The following C2CD5 variants were observed in gnomAD, a reference collection of about 807,000 sequenced individuals.
C2CD5 encodes C2 calcium dependent domain containing 5, also known as C2 domain-containing protein 5.
A neutral mutation model predicts 130.3 loss-of-function variants in C2CD5; 109 were observed. That is an observed-to-expected ratio of 0.84 (90% CI 0.72 to 0.98). The LOEUF (loss-of-function observed/expected upper bound fraction) is 0.98, where lower values mean the gene tolerates loss of function less well. Ranked by LOEUF, C2CD5 falls within the 50% of genes least tolerant of loss-of-function variation. C2CD5 has a pLI of 0.00. For synonymous variants in C2CD5, 454 were observed against 429.2 expected (o/e 1.06, Z -0.71); for missense variants, 996 against 1,261.8 (o/e 0.79, Z 3.19).
intron 3 of C2CD5, among the ~76,000 whole-genome samples, chr12:22,534,478 CTGATAA>C (rs1196478341): frequency 6.6e-6 from 1 of 151,942 alleles, no homozygotes; most frequent in African/African-American, 2.4e-5. Context: ...AATTATATAT[CTGATAA>C]TAAGTTAATA....
chr12:22,490,828 C>T (rs930092834), intron 11 of C2CD5, among the ~76,000 whole-genome samples: 8 of 152,030 alleles, frequency 5.3e-5, no homozygotes, highest in Admixed American at 3.3e-4. Context: ...AAACAATCAA[C>T]ATAATTATTG....
chr12:22,529,468 A>G (rs1951015848), intron 3 of C2CD5, among the ~76,000 whole-genome samples: 1 of 152,116 alleles, frequency 6.6e-6, no homozygotes, highest in Non-Finnish European at 1.5e-5. Context: ...CTTCCCTGAC[A>G]TTAGGGGGTG....
rs1281453099 is a variant in C2CD5 at position 22,469,746 on chromosome 12, T to C, written c.2496A>G (p.Ser832=). ...GAAAAGGATGAGAAGGAAGTGAATC[T>C]GAACACAGTTCCAGTGGAAATTGTA... ...ELLQFPLELC[S]DSLPSHPFPP... Residue 832 remains serine, a synonymous_variant, in exon 22 of 27, where the codon TCA becomes TCG. Transcript: ENST00000446597. 1.9e-6 allele frequency: 3 copies of C among 1,606,498 alleles called. No individual in the cohort carries two copies. Among genetic ancestry groups the C allele is most frequent in the Non-Finnish European group, 2.6e-6 (3 of 1,176,448 alleles).
Position 22,523,516 on chromosome 12 carries a change from C to G in C2CD5, c.710G>C (p.Arg237Pro). The change falls in exon 7 of 27, where the codon CGA becomes CCA. Residue 237 changes from arginine to proline, a missense_variant. Arg to Pro is a moderately radical substitution (Grantham distance 103). This residue lies in a region of C2CD5 where 26 missense variants were observed against 56.6 expected (regional missense o/e 0.46). Transcript: ENST00000446597. The part of the protein sequence containing the change: ...DLEGESGLVV[R>P]AIGTACTLDK... ...CAGAGTACACGCCGTTCCTATGGCTCGCACCACTAACCCAGACTCGCCCTC... is the reference window on the plus strand; with the variant it reads ...CAGAGTACACGCCGTTCCTATGGCTGGCACCACTAACCCAGACTCGCCCTC... 1 of 1,613,902 alleles carries G rather than the reference C, an allele frequency of 6.2e-7. No homozygotes were observed. The highest frequency in any genetic ancestry group is 8.5e-7 in the Non-Finnish European group (1 of 1,179,940).
intron 22 of C2CD5, among the ~76,000 whole-genome samples, chr12:22,462,086 C>A (rs570335773): frequency 6.6e-6 from 1 of 152,298 alleles, no homozygotes; most frequent in South Asian, 2.1e-4. Flanking sequence ...ACTGCAGATA[C>A]ATGCAGTCTG....
intron 10 of C2CD5, among the ~76,000 whole-genome samples, chr12:22,495,280 G>A (rs943433721): frequency 2.6e-5 from 4 of 151,778 alleles, no homozygotes; most frequent in African/African-American, 9.7e-5. Context: ...AGTAATACAT[G>A]GTGGCTTTAC....
intron 7 of C2CD5, among the ~76,000 whole-genome samples, chr12:22,519,470 T>C (rs563564115): frequency 1.3e-5 from 2 of 152,248 alleles, no homozygotes; most frequent in South Asian, 4.1e-4. Flanking sequence ...AATTTATTAA[T>C]TGTGAATAAG....
chr12:22,475,507 A>G (rs969143552), intron 15 of C2CD5, among the ~76,000 whole-genome samples: 2 of 152,172 alleles, frequency 1.3e-5, no homozygotes, highest in African/African-American at 4.8e-5. Flanking sequence ...GCTGTTACAT[A>G]GCCAAAGATC....
intron 2 of C2CD5, among the ~76,000 whole-genome samples, chr12:22,541,712 G>C (rs73078416): frequency 0.042 from 6,361 of 152,238 alleles, 169 homozygotes; most frequent in South Asian, 0.11. Context: ...GGCCTCCCCT[G>C]ATTACTCAAC....
chr12:22,521,585 T>A (rs1950270057), intron 7 of C2CD5, among the ~76,000 whole-genome samples: 1 of 152,124 alleles, frequency 6.6e-6, no homozygotes, highest in South Asian at 2.1e-4. Flanking sequence ...AAAATCTGAA[T>A]ACCTCAAAAA....
At chr12:22,524,725 C>G (rs1202552871) in intron 5 of C2CD5, 98 bp from the exon 6 acceptor site, 2 of 726,370 alleles carry the variant, frequency 2.8e-6, no homozygotes, top group Non-Finnish European at 4.6e-6. Context: ...ATACATAATA[C>G]AAGAACATCT....
chr12:22,474,472 C>T (rs889648837), intron 16 of C2CD5, among the ~76,000 whole-genome samples: 1 of 152,018 alleles, frequency 6.6e-6, no homozygotes, highest in African/African-American at 2.4e-5. Flanking sequence ...TTCAAGTTTA[C>T]AAAAATAACT....
intron 12 of C2CD5, among the ~76,000 whole-genome samples, chr12:22,485,655 C>T (rs2136349674): frequency 6.6e-6 from 1 of 152,236 alleles, no homozygotes; most frequent in South Asian, 2.1e-4. Context: ...CACTAAGTAG[C>T]AGGCCTCATG....
chr12:22,535,495 C>T (rs1951734369), intron 2 of C2CD5, 151 bp from the exon 3 acceptor site: 1 of 590,544 alleles, frequency 1.7e-6, no homozygotes, highest in Non-Finnish European at 3.0e-6. Flanking sequence ...ACAGATGGAT[C>T]CAGGTAAGAT....
chr12:22,513,458 C>A (rs966281261), intron 8 of C2CD5, 79 bp from the exon 9 acceptor site: 6 of 858,078 alleles, frequency 7.0e-6, no homozygotes, highest in Non-Finnish European at 1.2e-5. Flanking sequence ...TCTTCATAAA[C>A]ATCATGAGTT....
chr12:22,454,928 C>T (rs370475028), intron 25 of C2CD5, among the ~76,000 whole-genome samples: 59 of 152,224 alleles, frequency 3.9e-4, no homozygotes, highest in African/African-American at 1.3e-3. Context: ...GGGTACTTTT[C>T]CCATATTGAA....
Position 22,523,441 on chromosome 12 carries a change from G to C in C2CD5, c.785C>G (p.Ser262Cys), listed in dbSNP as rs1950442395. The change falls in exon 7 of 27, where the codon TCC (serine) becomes TGC (cysteine). Residue 262 changes from serine to cysteine, a missense_variant. Physicochemically the swap from Ser to Cys is moderately radical, Grantham distance 112 (BLOSUM62 -1). This residue lies in a region of C2CD5 where 156 missense variants were observed against 165.9 expected (regional missense o/e 0.94). Transcript: ENST00000446597. ...AAFLPACNSPSKEMKEIPFNE... is the reference protein window; with the variant it reads ...AAFLPACNSPCKEMKEIPFNE... ...TCATACTTACTCCTTCATTTCTTTG[G>C]ATGGGGAATTACATGCAGGAAGGAA... 6.2e-7 allele frequency: 1 copy of C among 1,612,920 alleles called. No homozygotes were observed. Among genetic ancestry groups the C allele is most frequent in the East Asian group, 2.2e-5 (1 of 44,852 alleles).
chr12:22,487,886 G>C (rs968983337), intron 12 of C2CD5, among the ~76,000 whole-genome samples: 3 of 152,092 alleles, frequency 2.0e-5, no homozygotes, highest in Non-Finnish European at 2.9e-5. Flanking sequence ...AAAAGGATGA[G>C]TTCATGTCCT....
intron 3 of C2CD5, among the ~76,000 whole-genome samples, chr12:22,528,664 A>T (rs976316179): frequency 4.2e-4 from 64 of 152,346 alleles, no homozygotes; most frequent in South Asian, 1.0e-3. Context: ...AGAAAATTAT[A>T]CTTTTAAAAT....
Sources: gnomAD v4.1 joint callset for allele counts (sites outside exome capture counted in the v4.1 genomes callset) on GRCh38, gnomAD v4.1.1 for gene constraint, gnomAD v4.1.1 regional missense constraint, MANE v1.5 for transcripts, NCBI Gene and HGNC (gene_info 2026-07-23, HGNC 2026-07-21) for gene names.